CHCHD3: variants seen among roughly 807,000 people sequenced by gnomAD.
CHCHD3 encodes the protein coiled-coil-helix-coiled-coil-helix domain containing 3, also known as MICOS complex subunit MIC19.
In CHCHD3, 20 loss-of-function variants were observed where a neutral mutation model predicts 38.2. That is an observed-to-expected ratio of 0.52 (90% CI 0.37 to 0.76). CHCHD3 has a LOEUF of 0.76. CHCHD3 is among the 30% of genes least tolerant of loss of function. CHCHD3 has a pLI of 0.00. For synonymous variants in CHCHD3, 82 were observed against 100.0 expected (o/e 0.82, Z 1.07); for missense variants, 245 against 279.2 (o/e 0.88, Z 0.87).
chr7:133,047,117 A>G (rs1390890466), intron 2 of CHCHD3, among the ~76,000 whole-genome samples: 2 of 152,216 alleles, frequency 1.3e-5, no homozygotes, highest in African/African-American at 4.8e-5. Context: ...GGGACGAATC[A>G]AATGTTAGAC....
At chr7:133,061,467 C>CAA (rs374637066) in intron 2 of CHCHD3, among the ~76,000 whole-genome samples, 1,315 of 114,582 alleles carry the variant, frequency 0.011, 12 homozygotes, top group African/African-American at 0.035. Flanking sequence ...TGTGGACAAG[C>CAA]AAAAAAAAAA....
chr7:132,982,344 G>A (rs572986662), intron 3 of CHCHD3, among the ~76,000 whole-genome samples: 1 of 152,302 alleles, frequency 6.6e-6, no homozygotes, highest in Admixed American at 6.5e-5. Context: ...GAGTGCAGTG[G>A]TGTGATCTTG....
At chr7:132,872,089 G>T (rs1808780894) in intron 5 of CHCHD3, among the ~76,000 whole-genome samples, 4 of 152,170 alleles carry the variant, frequency 2.6e-5, no homozygotes, top group Admixed American at 1.3e-4. Flanking sequence ...TGGCTTGAGG[G>T]TAGTTAATTG....
At chr7:132,861,477 G>A (rs1265911254) in intron 5 of CHCHD3, among the ~76,000 whole-genome samples, 5 of 152,130 alleles carry the variant, frequency 3.3e-5, no homozygotes, top group Admixed American at 2.6e-4. Flanking sequence ...TGGGAAACAG[G>A]TTCTCCTTGT....
chr7:133,053,699 A>G lies in CHCHD3; in HGVS notation c.169+16443T>C, dbSNP rs190570130. Among the ~76,000 whole-genome samples the G allele has an allele frequency of 4.6e-3, 706 of 152,346 alleles. 6 individuals carry two copies. Among genetic ancestry groups the G allele is most frequent in the Admixed American group, 8.4e-3 (129 of 15,304 alleles). On this transcript the variant is annotated intron_variant, in intron 2 of 7. Transcript: ENST00000262570. ...GCAATTATATGAAAAAGAAAAATGC[A>G]TACATAATAATGCTAAGTGTCCTAA...
chr7:132,852,405 C>T (rs1808241397), intron 5 of CHCHD3, among the ~76,000 whole-genome samples: 1 of 152,130 alleles, frequency 6.6e-6, no homozygotes, highest in Admixed American at 6.5e-5. Flanking sequence ...CTCCATATTA[C>T]AGTGTCAATG....
chr7:133,018,279 G>A (rs1424820969), intron 3 of CHCHD3, among the ~76,000 whole-genome samples: 1 of 152,186 alleles, frequency 6.6e-6, no homozygotes, highest in Non-Finnish European at 1.5e-5. Flanking sequence ...CATCACAGCA[G>A]GATGGTATAG....
intron 3 of CHCHD3, among the ~76,000 whole-genome samples, chr7:132,996,145 C>A (rs1812408850): frequency 6.6e-6 from 1 of 152,188 alleles, no homozygotes; most frequent in African/African-American, 2.4e-5. Context: ...TAGCTCAAGA[C>A]CCTCAAAGTA....
intron 2 of CHCHD3, among the ~76,000 whole-genome samples, chr7:133,027,069 C>A (rs1012859500): frequency 2.0e-5 from 3 of 151,912 alleles, no homozygotes; most frequent in Non-Finnish European, 4.4e-5. Flanking sequence ...TCCCGAGTAG[C>A]TGGGATTACA....
chr7:133,053,328 T>G (rs1324955220), intron 2 of CHCHD3, among the ~76,000 whole-genome samples: 2 of 152,158 alleles, frequency 1.3e-5, no homozygotes, highest in Admixed American at 6.5e-5. Context: ...TCTTGGGTCA[T>G]GCACAGGAGG....
At chr7:132,929,870 A>C (rs1810474759) in intron 4 of CHCHD3, among the ~76,000 whole-genome samples, 1 of 152,148 alleles carries the variant, frequency 6.6e-6, no homozygotes, top group Non-Finnish European at 1.5e-5. Flanking sequence ...TGAAAGTCAC[A>C]GAACCTATGG....
chr7:133,006,464 C>CTCAT (rs1812702674), intron 3 of CHCHD3, among the ~76,000 whole-genome samples: 1 of 144,874 alleles, frequency 6.9e-6, no homozygotes, highest in African/African-American at 2.6e-5. Flanking sequence ...AAGACTCCGT[C>CTCAT]TCATAAATAA....
At chr7:132,805,877 G>A (rs190813403) in intron 6 of CHCHD3, among the ~76,000 whole-genome samples, 16 of 152,290 alleles carry the variant, frequency 1.1e-4, no homozygotes, top group Middle Eastern at 3.4e-3. Flanking sequence ...TAGGCCTTGG[G>A]GATTTAAAGA....
intron 5 of CHCHD3, among the ~76,000 whole-genome samples, chr7:132,840,088 C>G (rs1392321710): frequency 6.6e-6 from 1 of 152,208 alleles, no homozygotes; most frequent in Non-Finnish European, 1.5e-5. Flanking sequence ...GAGGTTTTAA[C>G]TCCTCTGTAG....
intron 5 of CHCHD3, among the ~76,000 whole-genome samples, chr7:132,882,054 C>A (rs1366300592): frequency 6.6e-6 from 1 of 152,094 alleles, no homozygotes; most frequent in South Asian, 2.1e-4. Context: ...CTATGATTAT[C>A]GTTATCTTAT....
chr7:132,917,640 C>T (rs552064138), intron 4 of CHCHD3, among the ~76,000 whole-genome samples: 76 of 152,190 alleles, frequency 5.0e-4, no homozygotes, highest in African/African-American at 1.8e-3. Flanking sequence ...GGGCAGATCA[C>T]GAGGTCAGGA....
At chr7:133,058,852 C>CAAAT (rs1410439568) in intron 2 of CHCHD3, among the ~76,000 whole-genome samples, 1 of 152,200 alleles carries the variant, frequency 6.6e-6, no homozygotes, top group Non-Finnish European at 1.5e-5. Context: ...TGAGCTAAAG[C>CAAAT]AAATTCTAGA....
At chr7:132,909,922 G>T (rs961082845) in intron 4 of CHCHD3, among the ~76,000 whole-genome samples, 1 of 152,196 alleles carries the variant, frequency 6.6e-6, no homozygotes, top group African/African-American at 2.4e-5. Flanking sequence ...ATTGCTTAGA[G>T]GCTGGAGTAA....
At chr7:132,984,269 T>C (rs1812011786) in intron 3 of CHCHD3, among the ~76,000 whole-genome samples, 3 of 151,770 alleles carry the variant, frequency 2.0e-5, no homozygotes, top group South Asian at 4.2e-4. Flanking sequence ...TTCGCTGTGT[T>C]GGCCGGGCTG....
Sources: allele counts gnomAD v4.1 joint callset (sites outside exome capture counted in the v4.1 genomes callset), GRCh38; gene constraint gnomAD v4.1.1; transcripts MANE v1.5; gene names NCBI Gene and HGNC (gene_info 2026-07-23, HGNC 2026-07-21).